Variants in COL23A1 observed in about 807,000 individuals in gnomAD.
The protein encoded by COL23A1 is collagen type XXIII alpha 1 chain.
In COL23A1, 97 loss-of-function variants were observed where a neutral mutation model predicts 99.3. The observed-to-expected ratio is 0.98, with a 90% CI of 0.83 to 1.16. The LOEUF (loss-of-function observed/expected upper bound fraction) is 1.16. Among genes scored for constraint, COL23A1 ranks in the 50% most tolerant of loss-of-function variants. The probability of loss-of-function intolerance (pLI) is 0.00; values close to 1 mark genes in which losing one functional copy is unlikely to be tolerated. For missense variants in COL23A1, 762 were observed against 757.4 expected (o/e 1.01, Z -0.07); for synonymous variants, 320 against 308.2 (o/e 1.04, Z -0.40).
intron 2 of COL23A1, among the ~76,000 whole-genome samples, chr5:178,435,174 A>G (rs1766489861): frequency 6.6e-6 from 1 of 152,152 alleles, no homozygotes; most frequent in Admixed American, 6.5e-5. Flanking sequence ...CTGTTTCTGG[A>G]ACCAGATCCT....
intron 12 of COL23A1, among the ~76,000 whole-genome samples, chr5:178,258,912 T>TA (rs1394707416): frequency 0.014 from 2,039 of 143,372 alleles, 88 homozygotes; most frequent in Admixed American, 0.086. Flanking sequence ...TCCAGGGTGG[T>TA]CTTTTTTTTT....
rs142686042 is a variant in COL23A1, at chr5:178,492,594, C to A, written c.361+68088G>T. 2.0e-5 allele frequency among the ~76,000 whole-genome samples: 3 copies of A among 151,708 alleles called. No homozygotes were observed. In the Admixed American group the frequency reaches 2.0e-4, roughly 10 times the overall value. On this transcript the variant is annotated intron_variant, in intron 2 of 28. Coordinates refer to ENST00000390654, the MANE Select transcript of COL23A1 (RefSeq NM_173465.4). ...ATCCAGGCCATACAAAGGAATGAAG[C>A]GCTGCAGTGATCCATGCCACAACGC...
chr5:178,341,368 C>T (rs578156863), intron 2 of COL23A1, among the ~76,000 whole-genome samples: 11 of 152,304 alleles, frequency 7.2e-5, no homozygotes, highest in African/African-American at 2.6e-4. Flanking sequence ...TTCAGCCTCC[C>T]TGAGTTGAGG....
At chr5:178,562,935 A>G (rs1762675423) in intron 1 of COL23A1, among the ~76,000 whole-genome samples, 1 of 151,892 alleles carries the variant, frequency 6.6e-6, no homozygotes. Flanking sequence ...CTAGCTAGCT[A>G]CAGAGCACTG....
At chr5:178,431,101 G>A (rs1766239541) in intron 2 of COL23A1, among the ~76,000 whole-genome samples, 1 of 152,126 alleles carries the variant, frequency 6.6e-6, no homozygotes, top group Non-Finnish European at 1.5e-5. Context: ...CATAGAGGGA[G>A]CACCGCCAGC....
intron 2 of COL23A1, among the ~76,000 whole-genome samples, chr5:178,528,970 A>G (rs1316229588): frequency 1.3e-5 from 2 of 152,246 alleles, no homozygotes; most frequent in African/African-American, 4.8e-5. Flanking sequence ...TCAAAACAAC[A>G]TGACCCAAAA....
intron 2 of COL23A1, among the ~76,000 whole-genome samples, chr5:178,316,318 G>A (rs1758981446): frequency 1.3e-5 from 2 of 152,150 alleles, no homozygotes; most frequent in African/African-American, 4.8e-5. Flanking sequence ...AATGTAACCT[G>A]TCTAGAGATT....
In COL23A1 at chr5:178,256,874, C is replaced by G; in HGVS notation, c.829G>C (p.Gly277Arg). Residue 277 changes from glycine to arginine, a missense_variant, in exon 14 of 29, where the codon GGA becomes CGA. Coordinates refer to ENST00000390654, the MANE Select transcript of COL23A1 (RefSeq NM_173465.4). ...RGENGVDGAP[G>R]PKGEPGHRGT... ...GAGAGCTCTCATGTCACCTTCGGTCCTGGGGCACCGTCCACACCGTTCTCT... is the reference window on the plus strand; with the variant it reads ...GAGAGCTCTCATGTCACCTTCGGTCGTGGGGCACCGTCCACACCGTTCTCT... 6.2e-7 allele frequency: 1 copy of G among 1,613,182 alleles called. No individual in the cohort carries two copies. Among genetic ancestry groups the G allele is most frequent in the Non-Finnish European group, 8.5e-7 (1 of 1,179,722 alleles).
In COL23A1 at chr5:178,481,614, C is replaced by G. The variant is rs983230721; in HGVS notation, c.361+79068G>C. 2.0e-5 allele frequency among the ~76,000 whole-genome samples: 3 copies of G among 151,968 alleles called. No homozygotes were observed. The East Asian group carries it at 5.8e-4, about 29-fold the overall frequency. On this transcript the variant is annotated intron_variant, in intron 2 of 28. Transcript: ENST00000390654. Reference sequence around the variant, plus strand: ...AAGGTATACAAATGCCCAGTAAACACGTGAAAAGATGCTCAATATTATTAG... The same window carrying G: ...AAGGTATACAAATGCCCAGTAAACAGGTGAAAAGATGCTCAATATTATTAG...
chr5:178,572,605 C>A (rs140071717), intron 1 of COL23A1, among the ~76,000 whole-genome samples: 2 of 152,312 alleles, frequency 1.3e-5, no homozygotes, highest in African/African-American at 2.4e-5. Context: ...GATGCGATGG[C>A]CTTCAGCAAC....
chr5:178,261,691 G>A (rs753942311), intron 11 of COL23A1, 31 bp downstream of exon 11: 1 of 1,578,674 alleles, frequency 6.3e-7, no homozygotes, highest in Non-Finnish European at 8.7e-7. Flanking sequence ...ACCAGATCTG[G>A]GGAGGGGCAT....
At chr5:178,318,046 G>C (rs1379631294) in intron 2 of COL23A1, among the ~76,000 whole-genome samples, 1 of 152,072 alleles carries the variant, frequency 6.6e-6, no homozygotes, top group Non-Finnish European at 1.5e-5. Context: ...ATTTGGGTGG[G>C]GACACAGCCA....
At chr5:178,496,407 T>A (rs967311472) in intron 2 of COL23A1, among the ~76,000 whole-genome samples, 1 of 152,170 alleles carries the variant, frequency 6.6e-6, no homozygotes, top group Admixed American at 6.5e-5. Context: ...AAGGAATGCC[T>A]TCTTGTTCTA....
chr5:178,275,730 T>C (rs1756547143), intron 5 of COL23A1, among the ~76,000 whole-genome samples: 1 of 152,198 alleles, frequency 6.6e-6, no homozygotes, highest in African/African-American at 2.4e-5. Flanking sequence ...TTTCAGAGCC[T>C]GCACACCAGT....
chr5:178,542,461 C>T (rs888527071), intron 2 of COL23A1, among the ~76,000 whole-genome samples: 20 of 152,308 alleles, frequency 1.3e-4, no homozygotes, highest in African/African-American at 4.6e-4. Context: ...TGTGAGGACC[C>T]TCTGCCTTTC....
At chr5:178,456,628 G>A (rs1226555449) in intron 2 of COL23A1, among the ~76,000 whole-genome samples, 1 of 152,162 alleles carries the variant, frequency 6.6e-6, no homozygotes, top group Non-Finnish European at 1.5e-5. Flanking sequence ...AACCCGGGAG[G>A]TGGAGGTTGC....
intron 1 of COL23A1, among the ~76,000 whole-genome samples, chr5:178,570,826 G>A (rs1470223240): frequency 6.6e-6 from 1 of 152,098 alleles, no homozygotes; most frequent in Admixed American, 6.5e-5. Flanking sequence ...GGGAGGCCGA[G>A]GCAGTCAGAG....
chr5:178,583,822 CT>C (rs1375709905), intron 1 of COL23A1, among the ~76,000 whole-genome samples: 5 of 152,296 alleles, frequency 3.3e-5, no homozygotes, highest in African/African-American at 9.6e-5. Context: ...CTAGCCTGGA[CT>C]TCTCCGTTAC....
chr5:178,387,776 T>TC lies in COL23A1; in HGVS notation c.362-80858dup, dbSNP rs558184980. ...TCCCTACAGACAGTGTGGGCCATTT[T>TC]CCCCCGCGCTGTGCTTGCGGAGTTT... On this transcript the variant is annotated intron_variant, in intron 2 of 28. Coordinates refer to ENST00000390654, the MANE Select transcript of COL23A1 (RefSeq NM_173465.4). This position sits in a 1 kb window ranked among gnomAD's most constrained non-coding sequence, Gnocchi z 4.7. Among the ~76,000 whole-genome samples, 14 of 151,968 alleles carry TC rather than the reference T, an allele frequency of 9.2e-5. 1 individual carries two copies. In the South Asian group the frequency reaches 2.1e-3, roughly 22 times the overall value.
Sources: gnomAD v4.1 joint callset for allele counts (sites outside exome capture counted in the v4.1 genomes callset) on GRCh38, gnomAD v4.1.1 for gene constraint, Gnocchi (gnomAD v3.1) non-coding constraint, MANE v1.5 for transcripts, NCBI Gene and HGNC (gene_info 2026-07-23, HGNC 2026-07-21) for gene names.